CNTNAP2: variants seen among roughly 807,000 people sequenced by gnomAD.
CNTNAP2 encodes the protein contactin-associated protein-like 2.
A neutral mutation model predicts 155.2 loss-of-function variants in CNTNAP2; 98 were observed. The observed-to-expected ratio is 0.63, with a 90% CI of 0.54 to 0.75. The LOEUF (loss-of-function observed/expected upper bound fraction) is 0.75, where lower values mean the gene tolerates loss of function less well. Among genes scored for constraint, CNTNAP2 ranks in the 30% least tolerant of loss-of-function variants. The pLI is 0.00. For synonymous variants in CNTNAP2, 651 were observed against 631.2 expected (o/e 1.03, Z -0.47); for missense variants, 1,727 against 1,688.1 (o/e 1.02, Z -0.40).
At chr7:146,318,097 C>T (rs1800940291) in intron 1 of CNTNAP2, among the ~76,000 whole-genome samples, 3 of 149,982 alleles carry the variant, frequency 2.0e-5, no homozygotes. Flanking sequence ...GCCAAGATCG[C>T]ACCACTGCAC....
chr7:146,678,187 G>T (rs113653741), intron 1 of CNTNAP2, among the ~76,000 whole-genome samples: 2,415 of 151,976 alleles, frequency 0.016, 67 homozygotes, highest in African/African-American at 0.056. Context: ...TCCTGCCTCA[G>T]CCTCCTGAGT....
chr7:146,947,565 A>ATATACATATATATATATATATATATG (rs1797212202), intron 3 of CNTNAP2, among the ~76,000 whole-genome samples: 1 of 29,170 alleles, frequency 3.4e-5, no homozygotes, highest in East Asian at 6.2e-4. Flanking sequence ...GTGTATATAT[A>ATATACATATATATATATATATATATG]TATATATATA....
intron 17 of CNTNAP2, among the ~76,000 whole-genome samples, chr7:148,161,025 G>A (rs76136916): frequency 0.013 from 2,015 of 152,140 alleles, 35 homozygotes; most frequent in African/African-American, 0.046. Context: ...CCCAACCCAC[G>A]AAAATGTTCA....
At chr7:148,256,909 G>A (rs1374303466) in intron 20 of CNTNAP2, among the ~76,000 whole-genome samples, 2 of 151,608 alleles carry the variant, frequency 1.3e-5, no homozygotes, top group African/African-American at 4.9e-5. Context: ...AATTAATTAA[G>A]TCAAAGTCCT....
chr7:147,742,695 A>G (rs572709525), intron 13 of CNTNAP2, among the ~76,000 whole-genome samples: 2 of 152,346 alleles, frequency 1.3e-5, no homozygotes, highest in South Asian at 2.1e-4. Flanking sequence ...TAAGAATTCT[A>G]CGTATCTTTT....
intron 1 of CNTNAP2, among the ~76,000 whole-genome samples, chr7:146,658,437 A>C (rs1234795480): frequency 6.6e-6 from 1 of 152,088 alleles, no homozygotes; most frequent in African/African-American, 2.4e-5. Flanking sequence ...TATTCAGCTA[A>C]AAGGAATATT....
In CNTNAP2 at chr7:147,590,927, C is replaced by T. The variant is rs554603358; in HGVS notation, c.1897+28670C>T. Among the ~76,000 whole-genome samples the T allele has an allele frequency of 2.0e-4, 30 of 152,280 alleles. No homozygotes were observed. The South Asian group carries it at 6.0e-3, about 30-fold the overall frequency. ...GAGAGAGCAGCAAACCTCTACACCT[C>T]CTCCCCTGAGCTTTTATGGTTCTAA... On this transcript the variant is annotated intron_variant, in intron 12 of 23. Transcript: ENST00000361727.
At chr7:146,451,230 G>A (rs946149598) in intron 1 of CNTNAP2, among the ~76,000 whole-genome samples, 30 of 152,182 alleles carry the variant, frequency 2.0e-4, no homozygotes, top group Non-Finnish European at 4.4e-5. Context: ...ACAGGCGTGA[G>A]CCACCGTGCC....
chr7:148,336,524 A>G (rs1407146031), intron 21 of CNTNAP2, among the ~76,000 whole-genome samples: 6 of 143,800 alleles, frequency 4.2e-5, no homozygotes, highest in Non-Finnish European at 9.0e-5. Context: ...TGTCTAACCT[A>G]CACTTCCTGT....
intron 4 of CNTNAP2, among the ~76,000 whole-genome samples, chr7:147,074,448 C>T (rs1563066689): frequency 6.6e-6 from 1 of 152,136 alleles, no homozygotes; most frequent in Non-Finnish European, 1.5e-5. Context: ...TTTCCTGCCA[C>T]CATTTCTATG....
At chr7:147,238,569 T>G (rs1803868581) in intron 8 of CNTNAP2, among the ~76,000 whole-genome samples, 1 of 152,098 alleles carries the variant, frequency 6.6e-6, no homozygotes, top group African/African-American at 2.4e-5. Flanking sequence ...CACATCAGAA[T>G]CAATAAATGT....
At chr7:147,386,473 C>T (rs1405400579) in intron 9 of CNTNAP2, among the ~76,000 whole-genome samples, 1 of 152,104 alleles carries the variant, frequency 6.6e-6, no homozygotes, top group African/African-American at 2.4e-5. Flanking sequence ...TTGCTTCTGC[C>T]AGATACCCTA....
chr7:147,911,563 C>A (rs1400248586), intron 14 of CNTNAP2, among the ~76,000 whole-genome samples: 1 of 152,148 alleles, frequency 6.6e-6, no homozygotes, highest in African/African-American at 2.4e-5. Context: ...GCCACATAAC[C>A]ACATTTCTCT....
chr7:147,756,771 C>CAT (rs1563078200), intron 13 of CNTNAP2, among the ~76,000 whole-genome samples: 2 of 152,122 alleles, frequency 1.3e-5, no homozygotes, highest in African/African-American at 4.8e-5. Context: ...AGAAATTAAC[C>CAT]TTTCAGGGCA....
chr7:147,995,449 T>C (rs1475337661), intron 15 of CNTNAP2, among the ~76,000 whole-genome samples: 2 of 151,714 alleles, frequency 1.3e-5, no homozygotes, highest in African/African-American at 2.4e-5. Context: ...ATCTTCAACC[T>C]CACACCACCC....
intron 3 of CNTNAP2, among the ~76,000 whole-genome samples, chr7:146,982,147 C>G (rs1012562999): frequency 2.6e-5 from 4 of 151,656 alleles, no homozygotes; most frequent in Non-Finnish European, 5.9e-5. Context: ...CTGGTTTGGC[C>G]CATAGGCTAT....
chr7:147,223,956 A>T (rs1803464593), intron 8 of CNTNAP2, among the ~76,000 whole-genome samples: 1 of 151,016 alleles, frequency 6.6e-6, no homozygotes, highest in African/African-American at 2.4e-5. Flanking sequence ...AAAAAAAAAA[A>T]GAAAGAAAGA....
intron 2 of CNTNAP2, among the ~76,000 whole-genome samples, chr7:146,792,576 T>G (rs2129189380): frequency 6.6e-6 from 1 of 152,288 alleles, no homozygotes; most frequent in East Asian, 1.9e-4. Flanking sequence ...AAATGAGGTA[T>G]CCAGGCATTT....
At chr7:146,978,501 G>C (rs1349882890) in intron 3 of CNTNAP2, among the ~76,000 whole-genome samples, 1 of 151,990 alleles carries the variant, frequency 6.6e-6, no homozygotes, top group South Asian at 2.1e-4. Flanking sequence ...AATATCTAAG[G>C]CACTGTGAGT....
Sources: allele counts gnomAD v4.1 joint callset (sites outside exome capture counted in the v4.1 genomes callset), GRCh38; gene constraint gnomAD v4.1.1; transcripts MANE v1.5; gene names NCBI Gene and HGNC (gene_info 2026-07-23, HGNC 2026-07-21).